Variants in PLEKHA5 observed in about 807,000 individuals in gnomAD.
PLEKHA5 encodes the protein pleckstrin homology domain-containing family A member 5.
Under a neutral mutation model 181.9 loss-of-function variants are expected in PLEKHA5, and 55 were observed. The ratio of observed to expected loss-of-function variants is 0.30; its 90% CI spans 0.24 to 0.38. PLEKHA5 has a LOEUF of 0.38. PLEKHA5 is among the 10% of genes least tolerant of loss of function. The pLI is 1.00. For synonymous variants in PLEKHA5, 535 were observed against 529.4 expected (o/e 1.01, Z -0.15); for missense variants, 1,432 against 1,549.5 (o/e 0.92, Z 1.27).
At chr12:19,266,349 C>T (rs2070398623) in intron 8 of PLEKHA5, among the ~76,000 whole-genome samples, 1 of 151,604 alleles carries the variant, frequency 6.6e-6, no homozygotes, top group Non-Finnish European at 1.5e-5. Flanking sequence ...ACATACTAGC[C>T]GGGCATGGTG....
Position 19,375,940 on chromosome 12 carries a change from T to A in PLEKHA5, c.*421T>A, listed in dbSNP as rs1306644753. 1 of 152,508 alleles carries A rather than the reference T, an allele frequency of 6.6e-6. No homozygotes were observed. The highest frequency in any genetic ancestry group is 1.5e-5 in the Non-Finnish European group (1 of 68,024). 9.4% of individuals were successfully genotyped at this position (152,508 alleles called of 1,614,324 possible). ...TTCCATTGAAGCTTGTTTTCTTTTT[T>A]TTCTTCCCATTTTAGCTACTGCAGT... On this transcript the variant is annotated 3_prime_UTR_variant, in exon 32 of 32. Transcript: ENST00000429027.
At chr12:19,269,652 T>A (rs1039647864) in intron 8 of PLEKHA5, 118 bp from the exon 9 acceptor site, 1 of 555,144 alleles carries the variant, frequency 1.8e-6, no homozygotes, top group Non-Finnish European at 3.2e-6. Context: ...AAAAGATAAG[T>A]CTACTTTCTC....
At chr12:19,225,882 A>G (rs2059618547) in intron 3 of PLEKHA5, among the ~76,000 whole-genome samples, 2 of 152,188 alleles carry the variant, frequency 1.3e-5, no homozygotes, top group African/African-American at 2.4e-5. Context: ...TTCAGTTGGG[A>G]AAAAATTGTA....
intron 20 of PLEKHA5, among the ~76,000 whole-genome samples, chr12:19,322,996 G>A (rs1410046050): frequency 6.7e-6 from 1 of 148,352 alleles, no homozygotes; most frequent in Non-Finnish European, 1.5e-5. Context: ...CTACAGGCTG[G>A]CACTACTACA....
intron 3 of PLEKHA5, among the ~76,000 whole-genome samples, chr12:19,140,738 CTTG>C (rs779126357): frequency 2.0e-5 from 3 of 152,158 alleles, no homozygotes; most frequent in Non-Finnish European, 4.4e-5. Context: ...AGTCACAACC[CTTG>C]TTGTTGTAAA....
At chr12:19,261,136 A>G in intron 7 of PLEKHA5, 115 bp downstream of exon 7, 1 of 544,140 alleles carries the variant, frequency 1.8e-6, no homozygotes, top group South Asian at 3.5e-5. Context: ...TTATCAACAA[A>G]TAGTATCAAA....
At chr12:19,198,755 G>GGA in intron 3 of PLEKHA5, among the ~76,000 whole-genome samples, 1 of 152,146 alleles carries the variant, frequency 6.6e-6, no homozygotes, top group African/African-American at 2.4e-5. Context: ...GGCAGAGTGG[G>GGA]AAAAAAAGTG....
At chr12:19,159,193 C>A (rs2042420330) in intron 3 of PLEKHA5, among the ~76,000 whole-genome samples, 1 of 152,132 alleles carries the variant, frequency 6.6e-6, no homozygotes, top group South Asian at 2.1e-4. Flanking sequence ...AGACATTAGC[C>A]TCCCTCTGTT....
chr12:19,257,586 C>A, intron 6 of PLEKHA5, 49 bp downstream of exon 6: 1 of 954,620 alleles, frequency 1.0e-6, no homozygotes, highest in Non-Finnish European at 1.7e-6. Flanking sequence ...TAGAAGGAAC[C>A]TTTTAAACTG....
rs11461419 is a variant in PLEKHA5 at position 19,335,030 on chromosome 12, G to GTT, written c.2449-1473_2449-1472dup. Among the ~76,000 whole-genome samples, 368 of 92,556 alleles carry GTT rather than the reference G, an allele frequency of 4.0e-3. 10 individuals are homozygous for GTT. The highest frequency in any genetic ancestry group is 5.1e-3 in the Non-Finnish European group (262 of 50,942). The allele number at this position is 92,556 out of a possible 152,430, so 60.7% of individuals were successfully genotyped here. A position where few individuals can be genotyped will look rare whatever the true frequency, so the allele number is the denominator to read the frequency against. ...ACTGGCAAGATAGCTTCAGTTTTTT[G>GTT]TTTTTTTTTTTTTCTTTTTGGAGAC... On this transcript the variant is annotated intron_variant, in intron 20 of 31. Coordinates refer to ENST00000429027, the MANE Select transcript of PLEKHA5 (RefSeq NM_001256470.2).
chr12:19,283,236 TAAC>T, intron 11 of PLEKHA5, 41 bp from the exon 12 acceptor site: 3 of 1,193,136 alleles, frequency 2.5e-6, no homozygotes, highest in Non-Finnish European at 3.5e-6. Context: ...ATTTGGAAAA[TAAC>T]CCTCCTTCAT....
chr12:19,359,582 A>C, intron 28 of PLEKHA5, 36 bp downstream of exon 28: 1 of 1,591,782 alleles, frequency 6.3e-7, no homozygotes, highest in Non-Finnish European at 8.6e-7. Context: ...ATTCCAAAGG[A>C]ATAGATTTGT....
At chr12:19,344,950 A>G (rs12827352) in intron 22 of PLEKHA5, among the ~76,000 whole-genome samples, 14,283 of 150,262 alleles carry the variant, frequency 0.095, 723 homozygotes, top group Middle Eastern at 0.18. Context: ...CTCTACTGAA[A>G]AAAAAAAAAA....
chr12:19,158,863 C>G (rs2042357498), intron 3 of PLEKHA5, among the ~76,000 whole-genome samples: 1 of 152,026 alleles, frequency 6.6e-6, no homozygotes, highest in South Asian at 2.1e-4. Flanking sequence ...CTTGTTCATT[C>G]TTTGTATATG....
chr12:19,309,041 G>A (rs963124870), intron 15 of PLEKHA5, among the ~76,000 whole-genome samples: 4 of 151,596 alleles, frequency 2.6e-5, no homozygotes, highest in Non-Finnish European at 4.4e-5. Context: ...TAGCCTAGGC[G>A]ACAGAGCAAG....
Position 19,274,774 on chromosome 12 carries a change from G to A in PLEKHA5, c.1104G>A (p.Gln368=), listed in dbSNP as rs549823350. 4 of 1,614,058 alleles carry A rather than the reference G, an allele frequency of 2.5e-6. No homozygotes were observed. In the Admixed American group the frequency reaches 5.0e-5, roughly 20 times the overall value. The part of the protein sequence containing the change: ...EYESGSACPA[Q]TVHYRPINLS... ...AGAGTGGGTCAGCATGCCCTGCTCA[G>A]ACTGTGCACTACAGACCAATCAACT... is the stretch of plus-strand genomic sequence containing the variant. The change falls in exon 11 of 32, where the codon CAG becomes CAA. Residue 368 remains glutamine, a synonymous_variant. Coordinates refer to ENST00000429027, the MANE Select transcript of PLEKHA5 (RefSeq NM_001256470.2).
At chr12:19,249,204 A>G (rs922773534) in intron 3 of PLEKHA5, among the ~76,000 whole-genome samples, 1 of 152,160 alleles carries the variant, frequency 6.6e-6, no homozygotes, top group African/African-American at 2.4e-5. Flanking sequence ...AAGATTAACT[A>G]CAATAACTAA....
chr12:19,288,720 TG>T (rs776247319), intron 13 of PLEKHA5, among the ~76,000 whole-genome samples: 6 of 152,242 alleles, frequency 3.9e-5, no homozygotes, highest in Non-Finnish European at 8.8e-5. Flanking sequence ...CTTTTAAATG[TG>T]GGAATCTTAA....
chr12:19,304,271 A>C (rs2082485541), intron 15 of PLEKHA5, among the ~76,000 whole-genome samples: 1 of 152,126 alleles, frequency 6.6e-6, no homozygotes, highest in South Asian at 2.1e-4. Flanking sequence ...CGGGCGTAGT[A>C]GTGGGCACCT....
Sources: allele counts gnomAD v4.1 joint callset (sites outside exome capture counted in the v4.1 genomes callset), GRCh38; gene constraint gnomAD v4.1.1; transcripts MANE v1.5; gene names NCBI Gene and HGNC (gene_info 2026-07-23, HGNC 2026-07-21).